MYOM2: variants seen among roughly 807,000 people sequenced by gnomAD.
MYOM2 encodes myomesin 2, also known as myomesin-2.
A neutral mutation model predicts 187.6 loss-of-function variants in MYOM2; 254 were observed. The ratio of observed to expected loss-of-function variants is 1.35; its 90% confidence interval spans 1.22 to 1.50. The LOEUF (loss-of-function observed/expected upper bound fraction) is 1.50, where lower values mean the gene tolerates loss of function less well. Ranked by LOEUF, MYOM2 falls within the 40% of genes most tolerant of loss-of-function variation. The pLI, the probability that MYOM2 is intolerant of heterozygous loss-of-function variation, is 0.00. For missense variants in MYOM2, 2,796 were observed against 1,924.0 expected (o/e 1.45, Z -8.48); for synonymous variants, 981 against 753.8 (o/e 1.30, Z -4.94).
At chr8:2,122,321 A>C (rs1333264612) in intron 28 of MYOM2, among the ~76,000 whole-genome samples, 3 of 152,232 alleles carry the variant, frequency 2.0e-5, no homozygotes, top group Non-Finnish European at 4.4e-5. Flanking sequence ...CCTTCCATCT[A>C]TGTATTCCAC....
intron 23 of MYOM2, among the ~76,000 whole-genome samples, chr8:2,107,064 G>T (rs1302694150): frequency 6.6e-6 from 1 of 152,198 alleles, no homozygotes; most frequent in African/African-American, 2.4e-5. Flanking sequence ...GAAGACGGCA[G>T]AGAGAAGTGA....
At chr8:2,085,029 T>A in intron 13 of MYOM2, 1 of 486,432 alleles carries the variant, frequency 2.1e-6, no homozygotes. Flanking sequence ...CGGGTGAGAT[T>A]CCTTTCCTAT....
At chr8:2,132,740 A>G (rs1797919354) in intron 32 of MYOM2, among the ~76,000 whole-genome samples, 1 of 152,192 alleles carries the variant, frequency 6.6e-6, no homozygotes, top group South Asian at 2.1e-4. Flanking sequence ...TTTATGGCAT[A>G]CAAAGAAGTG....
rs1448018163 is a variant in MYOM2, at chr8:2,144,769, G to C, written c.4186G>C (p.Glu1396Gln). ...CAGCGAGCACTTCTCGGTGAAGGTG[G>C]AGCAGGCCAAGTACGTCAGCATGAC... ...QLSEHFSVKV[E>Q]QAKYVSMTIK... The change falls in exon 37 of 37, where the codon GAG becomes CAG. Residue 1396 changes from glutamate to glutamine, a missense_variant. Coordinates refer to ENST00000262113, the MANE Select transcript of MYOM2 (RefSeq NM_003970.4). 6.2e-7 allele frequency: 1 copy of C among 1,614,188 alleles called. No homozygotes were observed. The highest frequency in any genetic ancestry group is 1.1e-5 in the South Asian group (1 of 91,070).
intron 32 of MYOM2, among the ~76,000 whole-genome samples, chr8:2,139,127 G>C (rs1431261934): frequency 6.6e-6 from 1 of 151,744 alleles, no homozygotes; most frequent in African/African-American, 2.4e-5. Flanking sequence ...GGGACGCAGA[G>C]CCAAGCATTT....
In MYOM2 at chr8:2,124,200, C is replaced by A; in HGVS notation, c.3677C>A (p.Ala1226Glu). The part of the protein sequence containing the change: ...AGKVYDDMIL[A>E]MSRVCGKSAS... ...TCAGTGTATGATGATATGATTTTGGCAATGAGTAGAGTCTGTGGTAAGTAA... is the reference window on the plus strand; with the variant it reads ...TCAGTGTATGATGATATGATTTTGGAAATGAGTAGAGTCTGTGGTAAGTAA... The change falls in exon 31 of 37, where the codon GCA (alanine) becomes GAA (glutamate). Residue 1226 changes from alanine to glutamate, a missense_variant. By Grantham distance (107) the Ala-to-Glu change is moderately radical. Coordinates refer to ENST00000262113, the MANE Select transcript of MYOM2 (RefSeq NM_003970.4). 1 of 1,612,714 alleles carries A rather than the reference C, an allele frequency of 6.2e-7. No homozygotes were observed. The highest frequency in any genetic ancestry group is 1.1e-5 in the South Asian group (1 of 90,764).
rs763685283 is a variant in MYOM2, at chr8:2,124,178, G to A, written c.3656-1G>A. ...TGGTGCGTATCCCTTCTCATTTTCA[G>A]TGTATGATGATATGATTTTGGCAAT... is the stretch of plus-strand genomic sequence containing the variant. On this transcript the variant is annotated splice_acceptor_variant, in intron 30 of 36. Coordinates refer to ENST00000262113, the MANE Select transcript of MYOM2 (RefSeq NM_003970.4). LOFTEE classifies it high-confidence loss of function. The A allele has an allele frequency of 1.9e-6, 3 of 1,612,248 alleles. No individual in the cohort carries two copies. The highest frequency in any genetic ancestry group is 1.7e-6 in the Non-Finnish European group (2 of 1,178,910).
At chr8:2,062,825 A>G (rs1002307399) in intron 6 of MYOM2, among the ~76,000 whole-genome samples, 1 of 152,156 alleles carries the variant, frequency 6.6e-6, no homozygotes, top group Non-Finnish European at 1.5e-5. Context: ...CTGTGTTCTG[A>G]TAATTGTTTT....
chr8:2,129,314 G>A, intron 32 of MYOM2, 82 bp downstream of exon 32: 1 of 830,428 alleles, frequency 1.2e-6, no homozygotes, highest in Non-Finnish European at 2.0e-6. Context: ...CGCTCCCTGG[G>A]GAACATCAAG....
intron 5 of MYOM2, among the ~76,000 whole-genome samples, chr8:2,058,084 T>C (rs1818734741): frequency 7.3e-6 from 1 of 137,184 alleles, no homozygotes; most frequent in African/African-American, 2.7e-5. Context: ...GATGGTGTGA[T>C]CTCAGCTCAG....
At chr8:2,104,553 C>T (rs754224952) in intron 21 of MYOM2, among the ~76,000 whole-genome samples, 15 of 151,366 alleles carry the variant, frequency 9.9e-5, no homozygotes, top group South Asian at 2.1e-4. Flanking sequence ...TGCAGTGAGC[C>T]GAGATCGCGC....
intron 6 of MYOM2, among the ~76,000 whole-genome samples, chr8:2,068,351 A>G (rs1382007533): frequency 6.8e-6 from 1 of 147,604 alleles, no homozygotes; most frequent in East Asian, 2.0e-4. Flanking sequence ...GCAGCTCTTC[A>G]ATGCCCGTGT....
chr8:2,066,955 AAG>A, intron 6 of MYOM2, among the ~76,000 whole-genome samples: 2 of 152,308 alleles, frequency 1.3e-5, no homozygotes, highest in African/African-American at 4.8e-5. Context: ...GGTGAACTAG[AAG>A]ATAATGTTCT....
intron 32 of MYOM2, among the ~76,000 whole-genome samples, chr8:2,129,634 C>T (rs1161223340): frequency 1.3e-5 from 2 of 152,132 alleles, no homozygotes; most frequent in African/African-American, 4.8e-5. Context: ...AAAACAAGCC[C>T]AATCATTAAA....
Position 2,096,254 on chromosome 8 carries a change from G to A in MYOM2, c.2133G>A (p.Pro711=), listed in dbSNP as rs34141835. ...VIKVQAALTV[P]SHPYGITLLN... ...GGTTGTGCTTCCTTGCAGCCGTCCC[G>A]TCCCATCCTTATGGGATTACGCTCC... Residue 711 remains proline (P), a synonymous_variant, in exon 18 of 37, where the codon CCG becomes CCA. Transcript: ENST00000262113. 1,855 of 1,613,824 alleles carry A rather than the reference G, an allele frequency of 1.1e-3. 21 individuals are homozygous for A. The African/African-American group carries it at 0.018, about 16-fold the overall frequency.
chr8:2,058,548 T>C (rs1464788419), intron 5 of MYOM2, among the ~76,000 whole-genome samples: 5 of 152,212 alleles, frequency 3.3e-5, no homozygotes, highest in African/African-American at 1.2e-4. Flanking sequence ...ACCCTTTTTG[T>C]ATCAACATAT....
At chr8:2,092,977 CG>C (rs1436965437) in intron 16 of MYOM2, among the ~76,000 whole-genome samples, 3 of 152,086 alleles carry the variant, frequency 2.0e-5, no homozygotes, top group African/African-American at 4.8e-5. Context: ...GGGGCAGCCT[CG>C]GGGGATGCTG....
intron 10 of MYOM2, among the ~76,000 whole-genome samples, 153 bp from the exon 11 acceptor site, chr8:2,075,988 A>G (rs988614898): frequency 1.6e-4 from 24 of 152,238 alleles, no homozygotes; most frequent in African/African-American, 5.8e-4. Flanking sequence ...CCAACCCGCC[A>G]GAGTAAGAAA....
At chr8:2,076,393 T>G (rs969649534) in intron 11 of MYOM2, 111 bp downstream of exon 11, 26 of 1,366,592 alleles carry the variant, frequency 1.9e-5, no homozygotes, top group African/African-American at 1.5e-5. Flanking sequence ...ATTTTTTGAT[T>G]GGCTCTAGGT....
Sources: gnomAD v4.1 joint callset for allele counts (sites outside exome capture counted in the v4.1 genomes callset) on GRCh38, gnomAD v4.1.1 for gene constraint, MANE v1.5 for transcripts, NCBI Gene and HGNC (gene_info 2026-07-23, HGNC 2026-07-21) for gene names.